The following PTPN14 variants were observed in gnomAD, a reference collection of about 807,000 sequenced individuals.
PTPN14 encodes protein tyrosine phosphatase non-receptor type 14.
In PTPN14, 53 loss-of-function variants were observed where a neutral mutation model predicts 126.8. The ratio of observed to expected loss-of-function variants is 0.42; its 90% CI spans 0.34 to 0.53. The LOEUF (loss-of-function observed/expected upper bound fraction) is 0.53. Among genes scored for constraint, PTPN14 ranks in the 20% least tolerant of loss-of-function variants. PTPN14 has a pLI of 0.08. For synonymous variants in PTPN14, 630 were observed against 599.3 expected, an observed-to-expected ratio of 1.05 and a Z score of -0.75; for missense variants, 1,257 against 1,552.9, an observed-to-expected ratio of 0.81 and a Z score of 3.20.
chr1:214,420,545 A>G (rs543670180), intron 3 of PTPN14, among the ~76,000 whole-genome samples: 56 of 152,382 alleles, frequency 3.7e-4, no homozygotes, highest in African/African-American at 1.3e-3. Flanking sequence ...GTTGCAAAAG[A>G]GAAAGACATG....
chr1:214,393,810 C>T (rs766314964), intron 9 of PTPN14, 33 bp from the exon 10 acceptor site: 2 of 1,489,938 alleles, frequency 1.3e-6, no homozygotes, highest in African/African-American at 2.8e-5. Flanking sequence ...AAAAAATAAA[C>T]ATTTGTTGAA....
chr1:214,501,974 G>A lies in PTPN14; in HGVS notation c.-154-37017C>T, dbSNP rs185177227. On this transcript the variant is annotated intron_variant, in intron 1 of 18. Transcript: ENST00000366956. ...CTGGGGAGGCTGAAGCAGGAGAATG[G>A]CATGAACTCAGGAGGCGGAGCTTGC... Among the ~76,000 whole-genome samples, 235 of 149,120 alleles carry A rather than the reference G, an allele frequency of 1.6e-3. 1 individual carries two copies. Among genetic ancestry groups the A allele is most frequent in the Non-Finnish European group, 2.7e-3 (183 of 67,796 alleles).
At chr1:214,512,653 T>G (rs1283772751) in intron 1 of PTPN14, among the ~76,000 whole-genome samples, 1 of 152,112 alleles carries the variant, frequency 6.6e-6, no homozygotes, top group Admixed American at 6.5e-5. Flanking sequence ...CTTAAAAAAT[T>G]TTATGTGTTT....
intron 10 of PTPN14, among the ~76,000 whole-genome samples, 160 bp downstream of exon 10, chr1:214,393,535 T>C (rs996436318): frequency 3.3e-5 from 5 of 152,210 alleles, no homozygotes; most frequent in African/African-American, 9.6e-5. Flanking sequence ...GTCTTCATCA[T>C]TAAAGTTTTC....
intron 3 of PTPN14, among the ~76,000 whole-genome samples, chr1:214,417,034 A>G (rs2102588173): frequency 6.6e-6 from 1 of 152,210 alleles, no homozygotes; most frequent in South Asian, 2.1e-4. Flanking sequence ...AAAAAAAACA[A>G]CAATTTTCAT....
chr1:214,374,207 C>A (rs1658288096), intron 15 of PTPN14, among the ~76,000 whole-genome samples: 1 of 152,068 alleles, frequency 6.6e-6, no homozygotes, highest in African/African-American at 2.4e-5. Flanking sequence ...AACTTTTTCC[C>A]CTCATTTATT....
At position 214,405,625 on chromosome 1, in the gene PTPN14, CAT is replaced by C. The variant is rs547240442; in HGVS notation, c.511-2674_511-2673del. Among the ~76,000 whole-genome samples, 772 of 148,954 alleles carry C rather than the reference CAT, an allele frequency of 5.2e-3. 5 individuals are homozygous for C. The highest frequency in any genetic ancestry group is 0.018 in the African/African-American group (740 of 40,754). ...AACAAAATCCAAAAAAAAAAAAAAG[CAT>C]AGAGTGATGTTACCTGGAAAACACA... is the stretch of plus-strand genomic sequence containing the variant. On this transcript the variant is annotated intron_variant, in intron 5 of 18. Transcript: ENST00000366956.
intron 18 of PTPN14, among the ~76,000 whole-genome samples, chr1:214,361,727 G>T (rs1275318112): frequency 6.6e-6 from 1 of 152,194 alleles, no homozygotes; most frequent in African/African-American, 2.4e-5. Flanking sequence ...TGAGTGTCCT[G>T]CAGACCATAA....
chr1:214,451,194 T>G (rs1489610761), intron 3 of PTPN14, among the ~76,000 whole-genome samples: 1 of 152,174 alleles, frequency 6.6e-6, no homozygotes, highest in African/African-American at 2.4e-5. Flanking sequence ...AGGGTCTCAG[T>G]CTGTTGCCCA....
At chr1:214,439,878 C>G (rs1192705404) in intron 3 of PTPN14, among the ~76,000 whole-genome samples, 1 of 152,110 alleles carries the variant, frequency 6.6e-6, no homozygotes, top group East Asian at 1.9e-4. Context: ...CATTTTAGTT[C>G]CACTCTCTAC....
intron 3 of PTPN14, among the ~76,000 whole-genome samples, chr1:214,419,114 A>G (rs1199969886): frequency 6.6e-6 from 1 of 152,222 alleles, no homozygotes; most frequent in African/African-American, 2.4e-5. Flanking sequence ...GATCATAAAA[A>G]ATGTTATCCA....
intron 3 of PTPN14, among the ~76,000 whole-genome samples, chr1:214,445,147 C>G (rs1215757387): frequency 1.3e-5 from 2 of 152,192 alleles, no homozygotes; most frequent in Non-Finnish European, 2.9e-5. Context: ...ATACCCAGGA[C>G]TTTGGAAGAA....
Position 214,394,946 on chromosome 1 carries a change from T to C in PTPN14, c.799A>G (p.Ile267Val). 6.2e-7 allele frequency: 1 copy of C among 1,613,840 alleles called. No homozygotes were observed. Among genetic ancestry groups the C allele is most frequent in the Non-Finnish European group, 8.5e-7 (1 of 1,179,724 alleles). Reference protein sequence around the residue: ...MGNITHNKSTILVELINKEET... With the variant: ...MGNITHNKSTVLVELINKEET... ...TCTTTGTTGATGAGCTCCACTAGAA[T>C]GGTCGACTTGTTATGAGTGATATTC... Residue 267 changes from isoleucine (I) to valine (V), a missense_variant, in exon 9 of 19, where the codon ATT becomes GTT. Ile to Val is a conservative substitution (Grantham distance 29). Coordinates refer to ENST00000366956, the MANE Select transcript of PTPN14 (RefSeq NM_005401.5).
intron 3 of PTPN14, among the ~76,000 whole-genome samples, chr1:214,427,141 T>C (rs1659684623): frequency 6.6e-6 from 1 of 151,698 alleles, no homozygotes; most frequent in Admixed American, 6.6e-5. Flanking sequence ...TAGCCAGGCA[T>C]GGTGTGCATG....
intron 3 of PTPN14, among the ~76,000 whole-genome samples, chr1:214,421,988 C>T (rs1201952958): frequency 2.0e-5 from 3 of 152,146 alleles, no homozygotes; most frequent in Non-Finnish European, 4.4e-5. Flanking sequence ...CCAACTCTGT[C>T]GTGATCAGTA....
At chr1:214,505,815 G>A (rs1421217929) in intron 1 of PTPN14, among the ~76,000 whole-genome samples, 2 of 152,186 alleles carry the variant, frequency 1.3e-5, no homozygotes, top group Admixed American at 6.5e-5. Context: ...AGGATCACTT[G>A]AGTCTGGGAG....
At chr1:214,389,339 T>C (rs1157317311) in intron 11 of PTPN14, among the ~76,000 whole-genome samples, 1 of 152,240 alleles carries the variant, frequency 6.6e-6, no homozygotes, top group Non-Finnish European at 1.5e-5. Context: ...AGCTAATCCC[T>C]CAAACATCAT....
chr1:214,537,690 T>C (rs1655740981), intron 1 of PTPN14, among the ~76,000 whole-genome samples: 1 of 152,242 alleles, frequency 6.6e-6, no homozygotes, highest in Non-Finnish European at 1.5e-5. Flanking sequence ...CCATCACCTA[T>C]AACTACTTTT....
chr1:214,350,441 T>C lies in PTPN14; in HGVS notation c.*7481A>G, dbSNP rs1657680667. ...CATTTTTTCTAATAGTGACTGATTC[T>C]ATCGGCAAGGGAACAAAAGGGTGAG... On this transcript the variant is annotated 3_prime_UTR_variant, in exon 19 of 19. Coordinates refer to ENST00000366956, the MANE Select transcript of PTPN14 (RefSeq NM_005401.5). 1 of 152,170 alleles carries C rather than the reference T, an allele frequency of 6.6e-6. No individual in the cohort carries two copies. The highest frequency in any genetic ancestry group is 2.4e-5 in the African/African-American group (1 of 41,426). 9.4% of individuals were successfully genotyped at this position (152,170 alleles called of 1,614,324 possible). A position where few individuals can be genotyped will look rare whatever the true frequency, so the allele number is the denominator to read the frequency against.
Sources: allele counts gnomAD v4.1 joint callset (sites outside exome capture counted in the v4.1 genomes callset), GRCh38; gene constraint gnomAD v4.1.1; transcripts MANE v1.5; gene names NCBI Gene and HGNC (gene_info 2026-07-23, HGNC 2026-07-21).